The following SLC24A2 variants were observed in gnomAD, a reference collection of about 807,000 sequenced individuals.
SLC24A2 encodes sodium/potassium/calcium exchanger 2.
A neutral mutation model predicts 62.0 loss-of-function variants in SLC24A2; 36 were observed. That is an observed-to-expected ratio of 0.58 (90% CI 0.44 to 0.77). The LOEUF (loss-of-function observed/expected upper bound fraction) is 0.77, where lower values mean the gene tolerates loss of function less well. Ranked by LOEUF, SLC24A2 falls within the 30% of genes least tolerant of loss-of-function variation. The probability of loss-of-function intolerance (pLI) is 0.00; values close to 1 mark genes in which losing one functional copy is unlikely to be tolerated. For synonymous variants in SLC24A2, 358 were observed against 294.0 expected (o/e 1.22, Z -2.23); for missense variants, 846 against 817.9 (o/e 1.03, Z -0.42).
At chr9:19,776,537 T>C (rs1822851781) in intron 2 of SLC24A2, among the ~76,000 whole-genome samples, 1 of 152,186 alleles carries the variant, frequency 6.6e-6, no homozygotes. Context: ...ATAGTTTTCC[T>C]TGTCAGAAGC....
At chr9:19,941,161 A>C in the SLC24A2 span, among the ~76,000 whole-genome samples, 6 of 152,296 alleles carry the variant, frequency 3.9e-5, no homozygotes, top group Non-Finnish European at 7.3e-5. Flanking sequence ...AGTCCCATAA[A>C]ATTCTACAAC....
At chr9:20,108,416 C>G in the SLC24A2 span, among the ~76,000 whole-genome samples, 1 of 152,114 alleles carries the variant, frequency 6.6e-6, no homozygotes. Flanking sequence ...TATTGCGGCA[C>G]TATTCACAAT....
the SLC24A2 span, among the ~76,000 whole-genome samples, chr9:20,065,723 T>G: frequency 3.9e-5 from 6 of 152,312 alleles, no homozygotes; most frequent in African/African-American, 1.4e-4. Flanking sequence ...ATTTGGTAAG[T>G]AGCAGATATG....
the SLC24A2 span, among the ~76,000 whole-genome samples, chr9:20,172,856 G>T: frequency 6.6e-6 from 1 of 151,902 alleles, no homozygotes; most frequent in African/African-American, 2.4e-5. Context: ...TGTGAAGCCT[G>T]TATCACTTTA....
the SLC24A2 span, among the ~76,000 whole-genome samples, chr9:19,824,740 G>T: frequency 6.6e-6 from 1 of 152,044 alleles, no homozygotes; most frequent in Non-Finnish European, 1.5e-5. Context: ...TTGTGGCACT[G>T]TTCACAATAG....
chr9:19,875,964 A>G, the SLC24A2 span, among the ~76,000 whole-genome samples: 1 of 152,232 alleles, frequency 6.6e-6, no homozygotes, highest in Non-Finnish European at 1.5e-5. Flanking sequence ...ACTTCAAAAC[A>G]AAGTTTAATG....
At chr9:19,521,152 A>AT (rs780511856) in intron 9 of SLC24A2, 92 bp from the exon 10 acceptor site, 1 of 1,106,416 alleles carries the variant, frequency 9.0e-7, no homozygotes, top group Non-Finnish European at 1.4e-6. Context: ...CTTTTAATGC[A>AT]TTTCTATACT....
chr9:20,296,329 T>C, the SLC24A2 span, among the ~76,000 whole-genome samples: 4 of 152,244 alleles, frequency 2.6e-5, no homozygotes, highest in Admixed American at 2.6e-4. Flanking sequence ...CCTTCACACA[T>C]AGTGCCAATT....
At chr9:20,059,036 C>T in the SLC24A2 span, among the ~76,000 whole-genome samples, 1 of 152,166 alleles carries the variant, frequency 6.6e-6, no homozygotes, top group African/African-American at 2.4e-5. Flanking sequence ...TAAGGCAAGA[C>T]TATATAGTTA....
chr9:19,753,958 C>A (rs1822057543), intron 2 of SLC24A2, among the ~76,000 whole-genome samples: 1 of 152,018 alleles, frequency 6.6e-6, no homozygotes, highest in Non-Finnish European at 1.5e-5. Context: ...TTTTAGAGAA[C>A]CAAGCAGTAT....
intron 10 of SLC24A2, among the ~76,000 whole-genome samples, chr9:19,519,319 T>C (rs1448770122): frequency 7.6e-6 from 1 of 131,906 alleles, no homozygotes; most frequent in African/African-American, 3.0e-5. Context: ...AGTAATAGGA[T>C]TAGGAGTGAT....
At chr9:19,759,911 G>A (rs1372803458) in intron 2 of SLC24A2, among the ~76,000 whole-genome samples, 1 of 152,054 alleles carries the variant, frequency 6.6e-6, no homozygotes, top group Non-Finnish European at 1.5e-5. Flanking sequence ...AAATAATGTG[G>A]CCTTTTAAAA....
the SLC24A2 span, among the ~76,000 whole-genome samples, chr9:20,055,462 G>A: frequency 1.3e-5 from 2 of 152,106 alleles, no homozygotes; most frequent in Admixed American, 6.5e-5. Context: ...TGTTTAGTAG[G>A]GGGTGTAAAT....
At chr9:19,743,692 C>T (rs186181496) in intron 2 of SLC24A2, among the ~76,000 whole-genome samples, 2 of 152,258 alleles carry the variant, frequency 1.3e-5, no homozygotes, top group African/African-American at 4.8e-5. Flanking sequence ...CTGCTGCCCT[C>T]CTTTAAAATA....
At chr9:19,796,030 C>G in the SLC24A2 span, among the ~76,000 whole-genome samples, 1 of 148,310 alleles carries the variant, frequency 6.7e-6, no homozygotes, top group African/African-American at 2.5e-5. Flanking sequence ...GACAAAAAAC[C>G]AAACACTGCA....
the SLC24A2 span, among the ~76,000 whole-genome samples, chr9:20,289,529 C>T: frequency 2.6e-5 from 4 of 152,206 alleles, no homozygotes; most frequent in African/African-American, 7.2e-5. Context: ...CTCTGAGTCT[C>T]GGTTCTCTCA....
the SLC24A2 span, among the ~76,000 whole-genome samples, chr9:19,930,734 GT>G: frequency 6.6e-6 from 1 of 152,162 alleles, no homozygotes; most frequent in Non-Finnish European, 1.5e-5. Flanking sequence ...CAGGAATTCT[GT>G]TAAGAATCCC....
the SLC24A2 span, among the ~76,000 whole-genome samples, chr9:20,241,871 GC>G: frequency 1.3e-5 from 2 of 152,246 alleles, no homozygotes; most frequent in South Asian, 4.1e-4. Flanking sequence ...AAAAAACATG[GC>G]TGCAACATCA....
intron 5 of SLC24A2, among the ~76,000 whole-genome samples, chr9:19,585,360 T>G (rs1836342709): frequency 6.6e-6 from 1 of 152,238 alleles, no homozygotes; most frequent in Admixed American, 6.5e-5. Flanking sequence ...GGCTTCTGTG[T>G]TCAGTCAACA....
Sources: allele counts gnomAD v4.1 joint callset (sites outside exome capture counted in the v4.1 genomes callset), GRCh38; gene constraint gnomAD v4.1.1; transcripts MANE v1.5; gene names NCBI Gene and HGNC (gene_info 2026-07-23, HGNC 2026-07-21).